The following MAPKBP1 variants were observed in gnomAD, a reference collection of about 807,000 sequenced individuals.
MAPKBP1 encodes the protein mitogen-activated protein kinase binding protein 1.
Under a neutral mutation model 170.5 loss-of-function variants are expected in MAPKBP1, and 71 were observed. That is an observed-to-expected ratio of 0.42 (90% CI 0.34 to 0.51). The LOEUF (loss-of-function observed/expected upper bound fraction) is 0.51, where lower values mean the gene tolerates loss of function less well. MAPKBP1 is among the 20% of genes least tolerant of loss of function. The pLI, the probability that MAPKBP1 is intolerant of heterozygous loss-of-function variation, is 0.06. For synonymous variants in MAPKBP1, 719 were observed against 757.9 expected (o/e 0.95, Z 0.84); for missense variants, 1,598 against 1,933.0 (o/e 0.83, Z 3.25).
chr15:41,814,465 C>A, intron 9 of MAPKBP1, 85 bp from the exon 10 acceptor site: 2 of 1,386,258 alleles, frequency 1.4e-6, no homozygotes, highest in Non-Finnish European at 2.0e-6. Flanking sequence ...GGGAGGGCTC[C>A]TCACACACTG....
intron 10 of MAPKBP1, 89 bp from the exon 11 acceptor site, chr15:41,815,170 C>T: frequency 6.6e-7 from 1 of 1,523,190 alleles, no homozygotes; most frequent in Admixed American, 1.7e-5. Context: ...CCACCATTCC[C>T]TTTTTCGTCC....
At position 41,820,814 on chromosome 15, in the gene MAPKBP1, C is replaced by G; in HGVS notation, c.2482-18C>G. 6.3e-7 allele frequency: 1 copy of G among 1,596,310 alleles called. No individual in the cohort carries two copies. The highest frequency in any genetic ancestry group is 8.6e-7 in the Non-Finnish European group (1 of 1,164,872). On this transcript the variant is annotated intron_variant, in intron 22 of 30. Coordinates refer to ENST00000457542, the MANE Select transcript of MAPKBP1 (RefSeq NM_014994.3). Reference sequence around the variant, plus strand: ...TGTGGTTGTTGTTACTCCTCCCCCACCCCCTACCTCCCACCAGGCACAGGA... The same window carrying G: ...TGTGGTTGTTGTTACTCCTCCCCCAGCCCCTACCTCCCACCAGGCACAGGA...
chr15:41,815,204 A>G (rs2064869145), intron 10 of MAPKBP1, 55 bp from the exon 11 acceptor site: 3 of 1,603,210 alleles, frequency 1.9e-6, no homozygotes, highest in African/African-American at 2.7e-5. Flanking sequence ...CTCCTTGGGT[A>G]GGCAGAGGAC....
At chr15:41,801,575 C>T (rs759388403) in intron 3 of MAPKBP1, among the ~76,000 whole-genome samples, 11 of 152,224 alleles carry the variant, frequency 7.2e-5, no homozygotes, top group African/African-American at 2.2e-4. Flanking sequence ...AGGCTGGGCC[C>T]GGTGGCTCAC....
chr15:41,785,354 T>A (rs2064265714), intron 2 of MAPKBP1, among the ~76,000 whole-genome samples: 1 of 152,190 alleles, frequency 6.6e-6, no homozygotes. Context: ...TAGCAGAAAT[T>A]CTTTTTGATA....
At chr15:41,802,463 C>T (rs1192886253) in intron 3 of MAPKBP1, among the ~76,000 whole-genome samples, 6 of 152,028 alleles carry the variant, frequency 3.9e-5, no homozygotes, top group Admixed American at 2.6e-4. Context: ...TACAGCTATA[C>T]AAAAATATCT....
rs2065025732 is a variant in MAPKBP1, at chr15:41,822,935, G to A, written c.3315-4G>A. 1.2e-6 allele frequency: 2 copies of A among 1,600,534 alleles called. No homozygotes were observed. The highest frequency in any genetic ancestry group is 1.3e-5 in the African/African-American group (1 of 74,742). On this transcript the variant is annotated splice_region_variant and splice_polypyrimidine_tract_variant and intron_variant, in intron 27 of 30. Transcript: ENST00000457542. ...GGGCCTTCTCCCACATGTTCTCCCT[G>A]TAGGGAACCATCCCCATCCTCCTCA...
intron 1 of MAPKBP1, 139 bp from the exon 2 acceptor site, chr15:41,775,028 C>T (rs2064073986): frequency 2.2e-6 from 1 of 447,662 alleles, no homozygotes; most frequent in East Asian, 3.4e-5. Flanking sequence ...CCTTTCCTTC[C>T]GACGTTGTAA....
intron 2 of MAPKBP1, among the ~76,000 whole-genome samples, chr15:41,783,818 G>A (rs529164459): frequency 6.6e-6 from 1 of 152,264 alleles, no homozygotes; most frequent in African/African-American, 2.4e-5. Flanking sequence ...GACCATCCTG[G>A]CTAACATGGT....
rs2064982130 is a variant in MAPKBP1, at chr15:41,820,813, A to AC, written c.2482-14dup. ...GTGTGGTTGTTGTTACTCCTCCCCC[A>AC]CCCCCTACCTCCCACCAGGCACAGG... On this transcript the variant is annotated intron_variant, in intron 22 of 30. Transcript: ENST00000457542. 2 of 1,594,840 alleles carry AC rather than the reference A, an allele frequency of 1.3e-6. No homozygotes were observed. The highest frequency in any genetic ancestry group is 2.2e-5 in the South Asian group (2 of 90,280).
At chr15:41,815,143 A>C in intron 10 of MAPKBP1, 116 bp from the exon 11 acceptor site, 1 of 1,260,410 alleles carries the variant, frequency 7.9e-7, no homozygotes, top group Middle Eastern at 1.9e-4. Context: ...TGTGACAGGC[A>C]CTGGGCTAAG....
In MAPKBP1 at chr15:41,821,568, C is replaced by G. The variant is rs377748398; in HGVS notation, c.2719-16C>G. On this transcript the variant is annotated splice_polypyrimidine_tract_variant and intron_variant, in intron 23 of 30. Coordinates refer to ENST00000457542, the MANE Select transcript of MAPKBP1 (RefSeq NM_014994.3). ...TGTCACCTCTGCTCTGTTAACATCC[C>G]TTTGTGTGTTCCCAGAATGAAAAGC... 53 of 1,611,878 alleles carry G rather than the reference C, an allele frequency of 3.3e-5. 1 individual carries two copies. Among genetic ancestry groups the G allele is most frequent in the Middle Eastern group, 3.3e-4 (2 of 6,048 alleles).
At chr15:41,805,274 G>A (rs561904682) in intron 3 of MAPKBP1, among the ~76,000 whole-genome samples, 48 of 152,302 alleles carry the variant, frequency 3.2e-4, no homozygotes, top group Admixed American at 6.5e-4. Context: ...GTTTCCCCAC[G>A]GGAAGCCCCC....
chr15:41,775,268 T>C lies in MAPKBP1; in HGVS notation c.-8T>C. On this transcript the variant is annotated 5_prime_UTR_variant, in exon 2 of 31. Coordinates refer to ENST00000457542, the MANE Select transcript of MAPKBP1 (RefSeq NM_014994.3). ...GCCGGGGACTGTCCCAAAGGGTTTC[T>C]CGTCATAATGGCTGTGGAAGGGTCA... 4 of 1,612,182 alleles carry C rather than the reference T, an allele frequency of 2.5e-6. No individual in the cohort carries two copies.
chr15:41,778,178 A>G (rs1567131082), intron 2 of MAPKBP1, among the ~76,000 whole-genome samples: 1 of 152,252 alleles, frequency 6.6e-6, no homozygotes, highest in East Asian at 1.9e-4. Context: ...ACTAAAAAAA[A>G]TAAATGAGAC....
chr15:41,809,818 G>A (rs998761933), intron 3 of MAPKBP1, among the ~76,000 whole-genome samples: 5 of 152,256 alleles, frequency 3.3e-5, no homozygotes, highest in East Asian at 1.9e-4. Flanking sequence ...GCTGCCTGAC[G>A]GGAGAGGTTG....
Position 41,818,534 on chromosome 15 carries a change from T to A in MAPKBP1, c.2108T>A (p.Met703Lys), listed in dbSNP as rs750757941. Residue 703 changes from methionine to lysine, a missense_variant, in exon 19 of 31, where the codon ATG becomes AAG. Transcript: ENST00000457542. This position sits in a 1 kb window ranked among gnomAD's most constrained non-coding sequence, Gnocchi z 5.2. ...MFGHSEIVTGMKFSNDCKHLI... is the reference protein window; with the variant it reads ...MFGHSEIVTGKKFSNDCKHLI... ...TTCTTCACAGAGATTGTCACTGGCA[T>A]GAAATTTAGTAATGATTGTAAACAT... 6.2e-7 allele frequency: 1 copy of A among 1,613,250 alleles called. No homozygotes were observed. The highest frequency in any genetic ancestry group is 8.5e-7 in the Non-Finnish European group (1 of 1,179,630).
chr15:41,775,532 T>C (rs2064083706), intron 2 of MAPKBP1, 143 bp downstream of exon 2: 1 of 668,666 alleles, frequency 1.5e-6, no homozygotes, highest in East Asian at 2.7e-5. Flanking sequence ...CAGGCAATGA[T>C]TTGGTTTTAG....
intron 12 of MAPKBP1, among the ~76,000 whole-genome samples, chr15:41,816,087 G>A (rs1326379879): frequency 3.9e-5 from 6 of 152,290 alleles, no homozygotes; most frequent in East Asian, 3.9e-4. Flanking sequence ...CAATATAGGC[G>A]TGAGAAAACA....
Sources: gnomAD v4.1 joint callset for allele counts (sites outside exome capture counted in the v4.1 genomes callset) on GRCh38, gnomAD v4.1.1 for gene constraint, Gnocchi (gnomAD v3.1) non-coding constraint, MANE v1.5 for transcripts, NCBI Gene and HGNC (gene_info 2026-07-23, HGNC 2026-07-21) for gene names.